SLC24A2: variants seen among roughly 807,000 people sequenced by gnomAD.
SLC24A2 encodes the protein sodium/potassium/calcium exchanger 2.
A neutral mutation model predicts 62.0 loss-of-function variants in SLC24A2; 36 were observed. The observed-to-expected ratio is 0.58, with a 90% confidence interval of 0.44 to 0.77. The LOEUF (loss-of-function observed/expected upper bound fraction) is 0.77, where lower values mean the gene tolerates loss of function less well. Ranked by LOEUF, SLC24A2 falls within the 30% of genes least tolerant of loss-of-function variation. The pLI, the probability that SLC24A2 is intolerant of heterozygous loss-of-function variation, is 0.00. For synonymous variants in SLC24A2, 358 were observed against 294.0 expected, an observed-to-expected ratio of 1.22 and a Z score of -2.23; for missense variants, 846 against 817.9, an observed-to-expected ratio of 1.03 and a Z score of -0.42.
At chr9:20,225,582 T>TATATATATATATAATATA in the SLC24A2 span, among the ~76,000 whole-genome samples, 6 of 117,654 alleles carry the variant, frequency 5.1e-5, no homozygotes, top group African/African-American at 3.3e-4. Flanking sequence ...ATAATTTCAT[T>TATATATATATATAATATA]TAAAGAAAGC....
chr9:19,715,589 C>G (rs1005338420), intron 2 of SLC24A2, among the ~76,000 whole-genome samples: 3 of 152,154 alleles, frequency 2.0e-5, no homozygotes, highest in African/African-American at 7.2e-5. Context: ...CAAGACCACT[C>G]CCTGTAGGCA....
At chr9:19,814,502 C>T in the SLC24A2 span, among the ~76,000 whole-genome samples, 479 of 152,208 alleles carry the variant, frequency 3.1e-3, 1 homozygote, top group African/African-American at 0.011. Context: ...ACCAAACAAC[C>T]TTGAGGTAGT....
At chr9:19,831,058 C>A in the SLC24A2 span, among the ~76,000 whole-genome samples, 33 of 152,260 alleles carry the variant, frequency 2.2e-4, no homozygotes, top group East Asian at 5.8e-3. Flanking sequence ...AAAAGAATGC[C>A]TCCTTTAACC....
At chr9:20,199,584 A>G in the SLC24A2 span, among the ~76,000 whole-genome samples, 1 of 152,290 alleles carries the variant, frequency 6.6e-6, no homozygotes, top group Middle Eastern at 3.4e-3. Context: ...GATTTTCAAT[A>G]TTTTTCAATT....
chr9:19,802,278 G>A, the SLC24A2 span, among the ~76,000 whole-genome samples: 1 of 152,122 alleles, frequency 6.6e-6, no homozygotes, highest in Admixed American at 6.5e-5. Context: ...TCTTCATCAT[G>A]GAATTATAGT....
intron 2 of SLC24A2, among the ~76,000 whole-genome samples, chr9:19,782,301 A>G (rs750979584): frequency 3.9e-5 from 6 of 152,196 alleles, no homozygotes; most frequent in Non-Finnish European, 5.9e-5. Flanking sequence ...ACTTATTCCT[A>G]ACCAGCTATA....
chr9:19,925,075 A>G, the SLC24A2 span, among the ~76,000 whole-genome samples: 121,172 of 152,176 alleles, frequency 0.8, 51,622 homozygotes, highest in Non-Finnish European at 0.95. Context: ...AGTAAAACAC[A>G]GCTTGCCTTA....
chr9:19,873,787 C>T, the SLC24A2 span, among the ~76,000 whole-genome samples: 1 of 152,110 alleles, frequency 6.6e-6, no homozygotes, highest in African/African-American at 2.4e-5. Flanking sequence ...AAGTATATTA[C>T]ACAGCTCTGA....
At chr9:19,671,710 T>C (rs1371706900) in intron 2 of SLC24A2, among the ~76,000 whole-genome samples, 2 of 152,188 alleles carry the variant, frequency 1.3e-5, no homozygotes, top group East Asian at 3.9e-4. Flanking sequence ...ATGGCTTTTA[T>C]TATCTTAAGA....
At position 19,512,358 on chromosome 9, in the gene SLC24A2, C is replaced by T. The variant is rs1832749698; in HGVS notation, c.*3795G>A. 6.6e-6 allele frequency: 1 copy of T among 152,236 alleles called. No individual in the cohort carries two copies. The highest frequency in any genetic ancestry group is 2.4e-5 in the African/African-American group (1 of 41,454). The allele number at this position is 152,236 out of a possible 1,614,324, so 9.4% of individuals were successfully genotyped here. A position where few individuals can be genotyped will look rare whatever the true frequency, so the allele number is the denominator to read the frequency against. ...ATTTTTCCTGAATATAAAACAGTCT[C>T]CGCCTCTTTTTATAATCTTCTGGGC... On this transcript the variant is annotated 3_prime_UTR_variant, in exon 11 of 11. Coordinates refer to ENST00000341998, the MANE Select transcript of SLC24A2 (RefSeq NM_020344.4).
chr9:20,063,452 T>A, the SLC24A2 span, among the ~76,000 whole-genome samples: 99 of 124,106 alleles, frequency 8.0e-4, no homozygotes, highest in Non-Finnish European at 1.0e-3. Context: ...TGAGAACACA[T>A]GGACACAGGA....
the SLC24A2 span, among the ~76,000 whole-genome samples, chr9:19,801,834 C>T: frequency 6.6e-6 from 1 of 152,024 alleles, no homozygotes; most frequent in Non-Finnish European, 1.5e-5. Context: ...GAAATAATCA[C>T]TGTTTTTTTT....
intron 2 of SLC24A2, among the ~76,000 whole-genome samples, chr9:19,702,483 T>C (rs1820385041): frequency 6.6e-6 from 1 of 152,220 alleles, no homozygotes. Context: ...ACTTGTCGCA[T>C]AACAGAAAAC....
At chr9:19,863,906 T>C in the SLC24A2 span, among the ~76,000 whole-genome samples, 3 of 151,978 alleles carry the variant, frequency 2.0e-5, no homozygotes, top group African/African-American at 4.8e-5. Context: ...AAAAAGTTGT[T>C]TTTTTAAAAA....
the SLC24A2 span, among the ~76,000 whole-genome samples, chr9:19,972,941 A>G: frequency 1.4e-4 from 21 of 152,306 alleles, no homozygotes; most frequent in Admixed American, 7.8e-4. Context: ...GCCTGTTTAA[A>G]TAACGATGTT....
chr9:19,824,904 G>A, the SLC24A2 span, among the ~76,000 whole-genome samples: 1 of 152,078 alleles, frequency 6.6e-6, no homozygotes, highest in Admixed American at 6.6e-5. Context: ...ATCATTTTCA[G>A]CAAACTAACA....
chr9:19,580,984 A>G (rs1477395968), intron 5 of SLC24A2, among the ~76,000 whole-genome samples: 1 of 152,130 alleles, frequency 6.6e-6, no homozygotes, highest in Admixed American at 6.6e-5. Flanking sequence ...AATATGTGTA[A>G]AGGGCTTATC....
At chr9:20,089,470 T>G in the SLC24A2 span, among the ~76,000 whole-genome samples, 2 of 152,066 alleles carry the variant, frequency 1.3e-5, no homozygotes, top group African/African-American at 4.8e-5. Flanking sequence ...GGGGAAAGGA[T>G]AAAAGGCACT....
At chr9:19,799,792 CCCCTCTCT>C in the SLC24A2 span, among the ~76,000 whole-genome samples, 8 of 152,268 alleles carry the variant, frequency 5.3e-5, no homozygotes, top group African/African-American at 1.7e-4. Flanking sequence ...TTAATACGCT[CCCCTCTCT>C]CCATCATACT....
Sources: allele counts gnomAD v4.1 joint callset (sites outside exome capture counted in the v4.1 genomes callset), GRCh38; gene constraint gnomAD v4.1.1; transcripts MANE v1.5; gene names NCBI Gene and HGNC (gene_info 2026-07-23, HGNC 2026-07-21).